The following SDK2 variants were observed in gnomAD, a reference collection of about 807,000 sequenced individuals.
SDK2 encodes the protein sidekick cell adhesion molecule 2, also known as protein sidekick-2.
SDK2 carries 105 observed loss-of-function variants against 253.9 expected under a neutral mutation model. The observed-to-expected ratio is 0.41, with a 90% CI of 0.35 to 0.49. SDK2 has a LOEUF of 0.49. Ranked by LOEUF, SDK2 falls within the 20% of genes least tolerant of loss-of-function variation. SDK2 has a pLI of 0.06. For missense variants in SDK2, 2,608 were observed against 3,003.0 expected (o/e 0.87, Z 3.07); for synonymous variants, 1,249 against 1,234.9 (o/e 1.01, Z -0.24).
chr17:73,461,957 A>G (rs1303128197), intron 3 of SDK2, among the ~76,000 whole-genome samples: 1 of 149,408 alleles, frequency 6.7e-6, no homozygotes, highest in African/African-American at 2.6e-5. Context: ...ACATGTATGC[A>G]TTATTGGGAT....
At chr17:73,442,395 G>A (rs2063422950) in intron 5 of SDK2, among the ~76,000 whole-genome samples, 1 of 151,642 alleles carries the variant, frequency 6.6e-6, no homozygotes, top group African/African-American at 2.4e-5. Context: ...AGGCTGGAGT[G>A]CAGTGGCACG....
chr17:73,382,203 G>A (rs2062836667), intron 33 of SDK2, among the ~76,000 whole-genome samples: 1 of 139,558 alleles, frequency 7.2e-6, no homozygotes, highest in Non-Finnish European at 1.6e-5. Flanking sequence ...GGCAACAAGA[G>A]TGAAAACTCC....
chr17:73,546,967 T>C (rs1430305773), intron 1 of SDK2, among the ~76,000 whole-genome samples: 2 of 152,208 alleles, frequency 1.3e-5, no homozygotes, highest in Non-Finnish European at 2.9e-5. Context: ...CCTTGTGCTG[T>C]CCTGCCGTGA....
At chr17:73,567,081 G>C (rs916004732) in intron 1 of SDK2, among the ~76,000 whole-genome samples, 3 of 152,154 alleles carry the variant, frequency 2.0e-5, no homozygotes. Flanking sequence ...GAAGGTCTTT[G>C]GGGAAAATCC....
intron 36 of SDK2, among the ~76,000 whole-genome samples, chr17:73,377,622 T>C (rs1397612814): frequency 6.6e-6 from 1 of 150,412 alleles, no homozygotes; most frequent in Non-Finnish European, 1.5e-5. Context: ...AATCTGACTC[T>C]GCTGCCTGCT....
intron 12 of SDK2, among the ~76,000 whole-genome samples, chr17:73,425,193 C>G (rs1599554457): frequency 6.6e-6 from 1 of 152,082 alleles, no homozygotes; most frequent in South Asian, 2.1e-4. Context: ...GCACTCCAGC[C>G]TGGGCGACAC....
At chr17:73,424,129 G>A (rs1265570956) in intron 12 of SDK2, 37 bp from the exon 13 acceptor site, 1 of 1,571,706 alleles carries the variant, frequency 6.4e-7, no homozygotes, top group African/African-American at 1.3e-5. Context: ...CAGAGGGAGA[G>A]GAAGGTACCT....
intron 1 of SDK2, among the ~76,000 whole-genome samples, chr17:73,604,061 C>A (rs1221123029): frequency 6.6e-6 from 1 of 152,252 alleles, no homozygotes; most frequent in Non-Finnish European, 1.5e-5. Context: ...CTGGAGATTG[C>A]CACGCGGAGG....
chr17:73,509,627 CAAA>C (rs111605845), intron 1 of SDK2, among the ~76,000 whole-genome samples: 38 of 81,218 alleles, frequency 4.7e-4, no homozygotes, highest in Admixed American at 5.5e-4. Flanking sequence ...CCCTCTTCAC[CAAA>C]AAAAAAAAAA....
At chr17:73,402,857 G>A (rs1222244957) in intron 18 of SDK2, among the ~76,000 whole-genome samples, 1 of 152,072 alleles carries the variant, frequency 6.6e-6, no homozygotes, top group East Asian at 1.9e-4. Flanking sequence ...CAGTACAGTG[G>A]CAAGATCTAG....
At chr17:73,376,245 C>T (rs1028982181) in intron 36 of SDK2, among the ~76,000 whole-genome samples, 1 of 147,344 alleles carries the variant, frequency 6.8e-6, no homozygotes, top group Non-Finnish European at 1.5e-5. Context: ...CTCCCCTAAC[C>T]TGCTTCATTT....
Position 73,391,545 on chromosome 17 carries a change from G to T in SDK2, c.3899-7C>A, listed in dbSNP as rs778810828. On this transcript the variant is annotated splice_polypyrimidine_tract_variant and splice_region_variant and intron_variant, in intron 27 of 44. Transcript: ENST00000392650. ...CCCATGGGTGGTCCTGGGACTGGAG[G>T]GGGCAAAGGAGAGGAGGCCGACCCA... The T allele has an allele frequency of 1.5e-5, 19 of 1,286,516 alleles. No homozygotes were observed. The highest frequency in any genetic ancestry group is 1.9e-5 in the Non-Finnish European group (19 of 1,007,982). The allele number at this position is 1,286,516 out of a possible 1,614,324, so 79.7% of individuals were successfully genotyped here.
chr17:73,558,102 G>A (rs1298960748), intron 1 of SDK2, among the ~76,000 whole-genome samples: 1 of 152,238 alleles, frequency 6.6e-6, no homozygotes, highest in Non-Finnish European at 1.5e-5. Context: ...TTAGCAGCCC[G>A]AGCTGCCACC....
At chr17:73,583,909 T>G (rs2045569907) in intron 1 of SDK2, among the ~76,000 whole-genome samples, 1 of 152,202 alleles carries the variant, frequency 6.6e-6, no homozygotes, top group Non-Finnish European at 1.5e-5. Context: ...AACTGTCAAA[T>G]CCACCAGGGA....
rs1425921720 is a variant in SDK2 at position 73,511,536 on chromosome 17, T to TGGGGAGGAGGAGAGGGAA, written c.65-3957_65-3940dup. On this transcript the variant is annotated intron_variant, in intron 1 of 44. Transcript: ENST00000392650. The surrounding 1 kb of genome is among the most constrained non-coding windows in gnomAD (Gnocchi z 4.9). The stretch of plus-strand genomic sequence containing the variant: ...CAGAGGCTGCTGGAGATAATGACTC[T>TGGGGAGGAGGAGAGGGAA]GGGGAGGAGGAGAGGGAAGGGGAGG... Among the ~76,000 whole-genome samples, 3 of 152,242 alleles carry TGGGGAGGAGGAGAGGGAA rather than the reference T, an allele frequency of 2.0e-5. No homozygotes were observed. The East Asian group carries it at 5.8e-4, about 29-fold the overall frequency.
In SDK2 at chr17:73,387,831, C is replaced by T. The variant is rs1212041438; in HGVS notation, c.4394+5G>A. The T allele has an allele frequency of 2.6e-6, 4 of 1,562,002 alleles. No homozygotes were observed. Among genetic ancestry groups the T allele is most frequent in the Non-Finnish European group, 3.5e-6 (4 of 1,151,334 alleles). On this transcript the variant is annotated splice_donor_5th_base_variant and intron_variant, in intron 30 of 44. Transcript: ENST00000392650. Reference sequence around the variant, plus strand: ...TGGGGATGCTGGCATGGACCCGAGCCTTACCTGTCCACAATGAAGCTGGAG... The same window carrying T: ...TGGGGATGCTGGCATGGACCCGAGCTTTACCTGTCCACAATGAAGCTGGAG...
At chr17:73,394,143 C>T in intron 26 of SDK2, 66 bp downstream of exon 26, 1 of 985,876 alleles carries the variant, frequency 1.0e-6, no homozygotes, top group Non-Finnish European at 1.4e-6. Flanking sequence ...AAGGACAAGG[C>T]CCCTTGGATG....
At chr17:73,458,703 G>A (rs1357675078) in intron 3 of SDK2, among the ~76,000 whole-genome samples, 1 of 152,158 alleles carries the variant, frequency 6.6e-6, no homozygotes, top group African/African-American at 2.4e-5. Flanking sequence ...TGCATCCTAA[G>A]TTCTGTTAAA....
intron 4 of SDK2, among the ~76,000 whole-genome samples, chr17:73,454,841 T>C (rs892708864): frequency 6.6e-6 from 1 of 152,040 alleles, no homozygotes; most frequent in Non-Finnish European, 1.5e-5. Context: ...GTAGCTGGGA[T>C]TACAGGCACC....
Sources: gnomAD v4.1 joint callset for allele counts (sites outside exome capture counted in the v4.1 genomes callset) on GRCh38, gnomAD v4.1.1 for gene constraint, Gnocchi (gnomAD v3.1) non-coding constraint, MANE v1.5 for transcripts, NCBI Gene and HGNC (gene_info 2026-07-23, HGNC 2026-07-21) for gene names.